Variants in DCUN1D4 observed in about 807,000 individuals in gnomAD.
DCUN1D4 encodes the protein defective in cullin neddylation 1 domain containing 4.
A neutral mutation model predicts 47.9 loss-of-function variants in DCUN1D4; 22 were observed. That is an observed-to-expected ratio of 0.46 (90% CI 0.33 to 0.66). DCUN1D4 has a LOEUF of 0.66. DCUN1D4 is among the 30% of genes least tolerant of loss of function. The pLI is 0.02. For missense variants in DCUN1D4, 301 were observed against 340.8 expected, an observed-to-expected ratio of 0.88 and a Z score of 0.92; for synonymous variants, 121 against 112.2, an observed-to-expected ratio of 1.08 and a Z score of -0.50.
intron 1 of DCUN1D4, among the ~76,000 whole-genome samples, chr4:51,862,306 A>G (rs981773338): frequency 9.9e-5 from 15 of 152,246 alleles, no homozygotes; most frequent in African/African-American, 3.6e-4. Context: ...TCAGAACTGG[A>G]TGCCCAACAA....
intron 3 of DCUN1D4, among the ~76,000 whole-genome samples, chr4:51,870,610 T>C (rs1302707498): frequency 2.0e-5 from 3 of 152,196 alleles, no homozygotes; most frequent in East Asian, 1.9e-4. Flanking sequence ...ATGTATCTTA[T>C]TATTACTGTA....
the DCUN1D4 span, among the ~76,000 whole-genome samples, chr4:51,833,931 G>A: frequency 6.6e-6 from 1 of 151,924 alleles, no homozygotes; most frequent in Admixed American, 6.6e-5. Flanking sequence ...CATCAAGGTG[G>A]ATGAGGATTT....
At chr4:51,839,879 G>A (rs192741636), upstream of DCUN1D4, among the ~76,000 whole-genome samples, 5 of 152,286 alleles carry the variant, frequency 3.3e-5, no homozygotes, top group Admixed American at 6.5e-5. Flanking sequence ...AGGGGAAAGC[G>A]TAACATTTGA....
intron 1 of DCUN1D4, among the ~76,000 whole-genome samples, chr4:51,855,293 A>G (rs1723962441): frequency 1.3e-5 from 2 of 152,216 alleles, no homozygotes; most frequent in South Asian, 2.1e-4. Context: ...ATGTTTTATT[A>G]TTAGATTGTG....
At chr4:51,845,459 C>T (rs1722389459) in intron 1 of DCUN1D4, among the ~76,000 whole-genome samples, 1 of 152,130 alleles carries the variant, frequency 6.6e-6, no homozygotes. Flanking sequence ...AGTGGAGAAC[C>T]ATAAGACTTT....
chr4:51,864,869 A>G (rs2109913556), intron 3 of DCUN1D4, among the ~76,000 whole-genome samples: 1 of 152,324 alleles, frequency 6.6e-6, no homozygotes, highest in African/African-American at 2.4e-5. Context: ...GTGGAAAGTT[A>G]CAGTCGTCTT....
At chr4:51,865,665 T>C (rs1434090661) in intron 3 of DCUN1D4, 1 of 152,248 alleles carries the variant, frequency 6.6e-6, no homozygotes, top group African/African-American at 2.4e-5. Flanking sequence ...CTGTACGTGT[T>C]ATAGTGTGTT....
chr4:51,873,955 A>G (rs1195780788), intron 3 of DCUN1D4, among the ~76,000 whole-genome samples: 4 of 152,224 alleles, frequency 2.6e-5, no homozygotes, highest in Admixed American at 1.3e-4. Flanking sequence ...TTGAGAGAAC[A>G]TTGACATATA....
At chr4:51,868,112 G>A (rs1726263461) in intron 3 of DCUN1D4, among the ~76,000 whole-genome samples, 1 of 152,240 alleles carries the variant, frequency 6.6e-6, no homozygotes, top group Admixed American at 6.5e-5. Flanking sequence ...AACGGACAAA[G>A]CACCAGGAGT....
At chr4:51,846,736 C>G (rs1193027573) in intron 1 of DCUN1D4, among the ~76,000 whole-genome samples, 1 of 152,132 alleles carries the variant, frequency 6.6e-6, no homozygotes. Context: ...TATTATTGTT[C>G]GGTAGCAAGA....
At chr4:51,887,043 T>A (rs1336417296) in intron 6 of DCUN1D4, 1 of 453,386 alleles carries the variant, frequency 2.2e-6, no homozygotes, top group African/African-American at 2.0e-5. Context: ...TTGAGTAGAT[T>A]GTAATCATCA....
chr4:51,860,996 G>T (rs1221263560), intron 1 of DCUN1D4, among the ~76,000 whole-genome samples: 2 of 152,192 alleles, frequency 1.3e-5, no homozygotes, highest in African/African-American at 4.8e-5. Flanking sequence ...GGAGAATGGT[G>T]TAAGTAAATA....
rs1409162798 is a variant in DCUN1D4 at position 51,844,767 on chromosome 4, C to T, written c.25+1500C>T. On this transcript the variant is annotated intron_variant, in intron 1 of 10. Transcript: ENST00000334635. ...CGGGTATGAAGGGGAAAGGCGGTCC[C>T]GCCGAATTCTGGGACTTGTAGTCGC... 4 of 941,192 alleles carry T rather than the reference C, an allele frequency of 4.2e-6. No homozygotes were observed. In the African/African-American group the frequency reaches 5.3e-5, roughly 13 times the overall value. The allele number at this position is 941,192 out of a possible 1,614,324, so 58.3% of individuals were successfully genotyped here. A position where few individuals can be genotyped will look rare whatever the true frequency, so the allele number is the denominator to read the frequency against.
At chr4:51,841,909 G>A (rs890286513), upstream of DCUN1D4, among the ~76,000 whole-genome samples, 6 of 142,892 alleles carry the variant, frequency 4.2e-5, no homozygotes, top group African/African-American at 1.5e-4. Context: ...AGGGCCTTAG[G>A]ATATGGGGAT....
intron 6 of DCUN1D4, 72 bp from the exon 7 acceptor site, chr4:51,891,688 A>G: frequency 8.3e-7 from 1 of 1,209,474 alleles, no homozygotes. Context: ...TGTATTAATG[A>G]CAGATCTATT....
chr4:51,858,954 A>G (rs1328090934), intron 1 of DCUN1D4, among the ~76,000 whole-genome samples: 1 of 152,206 alleles, frequency 6.6e-6, no homozygotes, highest in African/African-American at 2.4e-5. Flanking sequence ...GCTCTGCTTT[A>G]TACTGTGTAT....
At chr4:51,883,828 T>C (rs972397085) in intron 5 of DCUN1D4, among the ~76,000 whole-genome samples, 1 of 152,000 alleles carries the variant, frequency 6.6e-6, no homozygotes, top group Non-Finnish European at 1.5e-5. Flanking sequence ...CTCTGCAGAG[T>C]AGGGAGGAGT....
intron 6 of DCUN1D4, among the ~76,000 whole-genome samples, chr4:51,890,898 A>G (rs1047653491): frequency 3.3e-5 from 5 of 152,274 alleles, no homozygotes; most frequent in Non-Finnish European, 7.3e-5. Flanking sequence ...AAGCAGTGGC[A>G]TAAACCAGAG....
At chr4:51,894,449 A>C (rs1189930861) in intron 7 of DCUN1D4, among the ~76,000 whole-genome samples, 1 of 146,946 alleles carries the variant, frequency 6.8e-6, no homozygotes, top group South Asian at 2.1e-4. Context: ...GTGATGTGCC[A>C]AGTGTAGTAT....
Sources: allele counts gnomAD v4.1 joint callset (sites outside exome capture counted in the v4.1 genomes callset), GRCh38; gene constraint gnomAD v4.1.1; transcripts MANE v1.5; gene names NCBI Gene and HGNC (gene_info 2026-07-23, HGNC 2026-07-21).